CHST9: variants seen among roughly 807,000 people sequenced by gnomAD.
CHST9 encodes the protein GalNAc-4-sulfotransferase 2.
CHST9 carries 41 observed loss-of-function variants against 44.4 expected under a neutral mutation model. The ratio of observed to expected loss-of-function variants is 0.92; its 90% CI spans 0.72 to 1.20. The LOEUF (loss-of-function observed/expected upper bound fraction) is 1.20. Ranked by LOEUF, CHST9 falls within the 50% of genes most tolerant of loss-of-function variation. The pLI, the probability that CHST9 is intolerant of heterozygous loss-of-function variation, is 0.00. For missense variants in CHST9, 504 were observed against 516.5 expected, an observed-to-expected ratio of 0.98 and a Z score of 0.23; for synonymous variants, 171 against 178.4, an observed-to-expected ratio of 0.96 and a Z score of 0.33.
intron 4 of CHST9, among the ~76,000 whole-genome samples, chr18:27,020,067 T>C (rs2057205710): frequency 6.6e-6 from 1 of 151,920 alleles, no homozygotes; most frequent in Non-Finnish European, 1.5e-5. Flanking sequence ...AAAATGGGAG[T>C]TGTAGAGGGC....
At chr18:27,054,108 A>T (rs2057622299) in intron 2 of CHST9, among the ~76,000 whole-genome samples, 1 of 152,184 alleles carries the variant, frequency 6.6e-6, no homozygotes, top group Admixed American at 6.5e-5. Flanking sequence ...CCGTGCCTTA[A>T]ACACAAATGC....
intron 1 of CHST9, among the ~76,000 whole-genome samples, chr18:27,166,009 G>C (rs1163016525): frequency 6.6e-6 from 1 of 152,094 alleles, no homozygotes; most frequent in East Asian, 1.9e-4. Context: ...ATTTTGAAAG[G>C]CTTCACAATC....
At chr18:27,060,551 C>A (rs973192678) in intron 2 of CHST9, among the ~76,000 whole-genome samples, 2 of 152,124 alleles carry the variant, frequency 1.3e-5, no homozygotes, top group African/African-American at 4.8e-5. Context: ...TAGATGCAGT[C>A]ACTGAGAGCT....
At chr18:26,920,076 C>G (rs545754421) in intron 5 of CHST9, among the ~76,000 whole-genome samples, 4 of 152,204 alleles carry the variant, frequency 2.6e-5, no homozygotes, top group Non-Finnish European at 5.9e-5. Context: ...ACTCCAGCTT[C>G]TAACTCAGCT....
chr18:27,041,056 G>A (rs575569770), intron 3 of CHST9, among the ~76,000 whole-genome samples: 1 of 152,186 alleles, frequency 6.6e-6, no homozygotes, highest in African/African-American at 2.4e-5. Flanking sequence ...TATATTGACT[G>A]ATACAGAGAT....
intron 2 of CHST9, among the ~76,000 whole-genome samples, chr18:27,073,329 A>G (rs1376990896): frequency 6.9e-6 from 1 of 145,804 alleles, no homozygotes; most frequent in South Asian, 2.1e-4. Flanking sequence ...TAAGGAGACA[A>G]CCCAGGATAA....
At chr18:27,119,505 A>G (rs2058356266) in intron 2 of CHST9, among the ~76,000 whole-genome samples, 1 of 152,158 alleles carries the variant, frequency 6.6e-6, no homozygotes, top group South Asian at 2.1e-4. Context: ...TCTCTGTTTC[A>G]CTGTAATTAG....
At position 26,917,131 on chromosome 18, in the gene CHST9, C is replaced by T. The variant is rs770781798; in HGVS notation, c.460G>A (p.Asp154Asn). 5.6e-6 allele frequency: 9 copies of T among 1,613,860 alleles called. No homozygotes were observed. The South Asian group carries it at 7.7e-5, about 14-fold the overall frequency. Residue 154 changes from aspartate to asparagine, a missense_variant, in exon 6 of 6, where the codon GAC becomes AAC. By Grantham distance (23) the Asp-to-Asn change is conservative. Transcript: ENST00000618847. ...NKFSNMNWPVDIHPLNKSLVK... is the reference protein window; with the variant it reads ...NKFSNMNWPVNIHPLNKSLVK... The stretch of plus-strand genomic sequence containing the variant: ...AAACTTTTGTTTAAAGGGTGAATGT[C>T]CACTGGCCAATTCATGTTGCTGAAC...
intron 2 of CHST9, among the ~76,000 whole-genome samples, chr18:27,115,936 G>A (rs1481899720): frequency 2.0e-5 from 3 of 152,096 alleles, no homozygotes; most frequent in Non-Finnish European, 4.4e-5. Context: ...ACATTCATAC[G>A]TCTTCTTTGG....
chr18:27,006,112 G>A (rs1783434947), intron 4 of CHST9, among the ~76,000 whole-genome samples: 1 of 152,132 alleles, frequency 6.6e-6, no homozygotes, highest in Non-Finnish European at 1.5e-5. Flanking sequence ...TAGTTAAAAG[G>A]AAAACTGATT....
rs539861714 is a variant in CHST9 at position 27,162,581 on chromosome 18, T to C, written c.-96-19676A>G. 8.8e-3 allele frequency among the ~76,000 whole-genome samples: 1,339 copies of C among 152,312 alleles called. 14 individuals carry two copies. The highest frequency in any genetic ancestry group is 0.031 in the African/African-American group (1,282 of 41,560). On this transcript the variant is annotated intron_variant, in intron 1 of 5. Coordinates refer to ENST00000618847, the MANE Select transcript of CHST9 (RefSeq NM_031422.6). ...TCAACTTTGGTGAATCTGACAATTA[T>C]GTGTCTTGGAGTTGCTCTTCTCGAG...
Position 26,913,848 on chromosome 18 carries a change from C to T in CHST9, c.*2411G>A, listed in dbSNP as rs571339174. ...GAGAAAAATGGAGTTTGGCTTTAAACTCACAAGTAATCCAGGATGATGACT... is the reference window on the plus strand; with the variant it reads ...GAGAAAAATGGAGTTTGGCTTTAAATTCACAAGTAATCCAGGATGATGACT... On this transcript the variant is annotated 3_prime_UTR_variant, in exon 6 of 6. Coordinates refer to ENST00000618847, the MANE Select transcript of CHST9 (RefSeq NM_031422.6). 4.6e-5 allele frequency: 7 copies of T among 152,350 alleles called. 1 individual carries two copies. The South Asian group carries it at 1.4e-3, about 32-fold the overall frequency. 9.4% of individuals were successfully genotyped at this position (152,350 alleles called of 1,614,324 possible). A position where few individuals can be genotyped will look rare whatever the true frequency, so the allele number is the denominator to read the frequency against.
chr18:27,173,813 C>T (rs1173812302), intron 1 of CHST9, among the ~76,000 whole-genome samples: 2 of 151,810 alleles, frequency 1.3e-5, no homozygotes, highest in Admixed American at 6.6e-5. Flanking sequence ...GATATTTTTT[C>T]TAATTTTTAT....
chr18:26,977,455 A>G (rs1366955523), intron 4 of CHST9, among the ~76,000 whole-genome samples: 1 of 152,078 alleles, frequency 6.6e-6, no homozygotes, highest in African/African-American at 2.4e-5. Flanking sequence ...GAAAAGAAAA[A>G]AAGTAATATG....
intron 5 of CHST9, among the ~76,000 whole-genome samples, chr18:26,936,973 T>C (rs574753416): frequency 6.6e-6 from 1 of 152,328 alleles, no homozygotes; most frequent in Admixed American, 6.5e-5. Flanking sequence ...ACACTGTTAT[T>C]ACTAACAATA....
intron 1 of CHST9, among the ~76,000 whole-genome samples, chr18:27,149,542 A>G (rs1415478868): frequency 4.6e-5 from 7 of 150,688 alleles, no homozygotes; most frequent in Admixed American, 6.6e-5. Flanking sequence ...GATTTATATT[A>G]CTGGGTATAT....
At chr18:27,157,180 C>T (rs1410450475) in intron 1 of CHST9, among the ~76,000 whole-genome samples, 1 of 151,976 alleles carries the variant, frequency 6.6e-6, no homozygotes, top group African/African-American at 2.4e-5. Flanking sequence ...GCAGTCAATA[C>T]CTATTTGGAA....
intron 2 of CHST9, among the ~76,000 whole-genome samples, chr18:27,112,374 A>AGG (rs2058279162): frequency 6.6e-6 from 1 of 151,478 alleles, no homozygotes; most frequent in Non-Finnish European, 1.5e-5. Context: ...CTAAACACAG[A>AGG]CTTTATTTAT....
chr18:26,940,051 C>T (rs1277074162), intron 5 of CHST9, among the ~76,000 whole-genome samples: 1 of 152,142 alleles, frequency 6.6e-6, no homozygotes, highest in Non-Finnish European at 1.5e-5. Context: ...CTAAAGCATC[C>T]CTTCTTTCTT....
Sources: allele counts gnomAD v4.1 joint callset (sites outside exome capture counted in the v4.1 genomes callset), GRCh38; gene constraint gnomAD v4.1.1; transcripts MANE v1.5; gene names NCBI Gene and HGNC (gene_info 2026-07-23, HGNC 2026-07-21).